RSBN1L: variants seen among roughly 807,000 people sequenced by gnomAD.
RSBN1L encodes the protein lysine-specific demethylase RSBN1L.
In RSBN1L, 30 loss-of-function variants were observed where a neutral mutation model predicts 67.7. The observed-to-expected ratio is 0.44, with a 90% CI of 0.33 to 0.60. The LOEUF (loss-of-function observed/expected upper bound fraction) is 0.60, where lower values mean the gene tolerates loss of function less well. Among genes scored for constraint, RSBN1L ranks in the 20% least tolerant of loss-of-function variants. The pLI is 0.02. For synonymous variants in RSBN1L, 433 were observed against 387.0 expected (o/e 1.12, Z -1.39); for missense variants, 992 against 1,031.7 (o/e 0.96, Z 0.53).
At chr7:77,727,588 A>T (rs1791223153) in intron 1 of RSBN1L, among the ~76,000 whole-genome samples, 1 of 151,996 alleles carries the variant, frequency 6.6e-6, no homozygotes, top group South Asian at 2.1e-4. Flanking sequence ...CAGGGACTAC[A>T]GGCCTGTCCC....
intron 3 of RSBN1L, among the ~76,000 whole-genome samples, chr7:77,763,887 C>T (rs1791728443): frequency 6.6e-6 from 1 of 152,146 alleles, no homozygotes; most frequent in Non-Finnish European, 1.5e-5. Context: ...CAATTTGTAA[C>T]AGTTTAGGAA....
chr7:77,735,209 A>C (rs758744202), intron 1 of RSBN1L, among the ~76,000 whole-genome samples: 2 of 152,202 alleles, frequency 1.3e-5, no homozygotes, highest in African/African-American at 2.4e-5. Flanking sequence ...TGTGCTATTC[A>C]GTATGGTAGA....
At chr7:77,765,661 G>T (rs755427735) in intron 4 of RSBN1L, 29 bp downstream of exon 4, 4 of 1,393,896 alleles carry the variant, frequency 2.9e-6, no homozygotes, top group Non-Finnish European at 3.9e-6. Context: ...TGGGATTAGA[G>T]TTTTTTTTTT....
At chr7:77,741,585 G>A (rs796604886) in intron 2 of RSBN1L, among the ~76,000 whole-genome samples, 58 of 151,596 alleles carry the variant, frequency 3.8e-4, no homozygotes, top group African/African-American at 1.4e-3. Context: ...CCAGCTACTC[G>A]GGAGGCTGAG....
intron 4 of RSBN1L, among the ~76,000 whole-genome samples, chr7:77,767,931 A>G (rs1318871706): frequency 2.9e-5 from 4 of 136,826 alleles, no homozygotes; most frequent in Admixed American, 1.6e-4. Flanking sequence ...GCTCACTGCA[A>G]CCTCCGCCTC....
At chr7:77,710,076 C>T (rs1422680465) in intron 1 of RSBN1L, among the ~76,000 whole-genome samples, 2 of 152,156 alleles carry the variant, frequency 1.3e-5, no homozygotes, top group Non-Finnish European at 2.9e-5. Context: ...TATCTTTCCA[C>T]TTTTGCTCTG....
chr7:77,758,711 G>A (rs886969136), intron 3 of RSBN1L, among the ~76,000 whole-genome samples: 1 of 152,100 alleles, frequency 6.6e-6, no homozygotes, highest in African/African-American at 2.4e-5. Context: ...AGTTGACCAC[G>A]TTCGTTTTAG....
At chr7:77,740,408 G>A (rs937974394) in intron 2 of RSBN1L, among the ~76,000 whole-genome samples, 1 of 152,182 alleles carries the variant, frequency 6.6e-6, no homozygotes, top group African/African-American at 2.4e-5. Context: ...TAGAATGAGG[G>A]TTGAAAGAAG....
intron 2 of RSBN1L, among the ~76,000 whole-genome samples, chr7:77,745,296 T>C (rs1420720064): frequency 6.6e-6 from 1 of 151,114 alleles, no homozygotes; most frequent in African/African-American, 2.4e-5. Context: ...GAAAGGAAGA[T>C]AAGGGAAAAA....
chr7:77,745,742 T>G (rs1791473646), intron 2 of RSBN1L, among the ~76,000 whole-genome samples: 1 of 152,226 alleles, frequency 6.6e-6, no homozygotes, highest in African/African-American at 2.4e-5. Context: ...TTTATTTCTA[T>G]TATTATACAT....
chr7:77,733,310 A>C (rs904139105), intron 1 of RSBN1L, among the ~76,000 whole-genome samples: 4 of 152,160 alleles, frequency 2.6e-5, no homozygotes, highest in African/African-American at 7.2e-5. Flanking sequence ...TTATGTATAG[A>C]TGGGATTATT....
chr7:77,732,360 TCTCA>T (rs1456734358), intron 1 of RSBN1L, among the ~76,000 whole-genome samples: 1 of 152,084 alleles, frequency 6.6e-6, no homozygotes, highest in African/African-American at 2.4e-5. Flanking sequence ...TGAGACTGAG[TCTCA>T]CTCTGTTGCC....
chr7:77,739,484 G>A (rs956625295), intron 2 of RSBN1L, among the ~76,000 whole-genome samples: 1 of 151,786 alleles, frequency 6.6e-6, no homozygotes, highest in African/African-American at 2.4e-5. Context: ...AGGCCAAGGC[G>A]GGTGGGCCAC....
chr7:77,767,055 C>T (rs1273950344), intron 4 of RSBN1L, among the ~76,000 whole-genome samples: 2 of 141,688 alleles, frequency 1.4e-5, no homozygotes, highest in African/African-American at 5.3e-5. Flanking sequence ...TTCCCCTTCC[C>T]CTTCCCTTTC....
intron 3 of RSBN1L, 119 bp from the exon 4 acceptor site, chr7:77,765,376 A>G (rs1312594096): frequency 1.3e-6 from 1 of 792,066 alleles, no homozygotes; most frequent in Non-Finnish European, 1.8e-6. Context: ...ATTCTGAGAT[A>G]ATAATTTATT....
chr7:77,782,581 A>G lies in RSBN1L; in HGVS notation c.*3413A>G, dbSNP rs908687812. 6.6e-6 allele frequency: 1 copy of G among 152,132 alleles called. No homozygotes were observed. The highest frequency in any genetic ancestry group is 2.4e-5 in the African/African-American group (1 of 41,412). 9.4% of individuals were successfully genotyped at this position (152,132 alleles called of 1,614,324 possible). A position where few individuals can be genotyped will look rare whatever the true frequency, so the allele number is the denominator to read the frequency against. On this transcript the variant is annotated 3_prime_UTR_variant, in exon 8 of 8. Coordinates refer to ENST00000334955, the MANE Select transcript of RSBN1L (RefSeq NM_198467.3). ...TCACCAAGGCTGTTGACCTTAAATAAACATTAAGTTGATTTTGCACAACAC... is the reference window on the plus strand; with the variant it reads ...TCACCAAGGCTGTTGACCTTAAATAGACATTAAGTTGATTTTGCACAACAC...
intron 2 of RSBN1L, among the ~76,000 whole-genome samples, chr7:77,737,337 T>C (rs948984159): frequency 6.6e-6 from 1 of 152,190 alleles, no homozygotes; most frequent in Non-Finnish European, 1.5e-5. Context: ...TAACTTCATA[T>C]TGAATTTAAT....
chr7:77,723,488 G>C (rs1791150149), intron 1 of RSBN1L, among the ~76,000 whole-genome samples: 1 of 151,792 alleles, frequency 6.6e-6, no homozygotes, highest in African/African-American at 2.4e-5. Flanking sequence ...TTAATTTTTT[G>C]AGATAGGGTC....
At chr7:77,753,488 G>A (rs900422597) in intron 3 of RSBN1L, among the ~76,000 whole-genome samples, 1 of 151,984 alleles carries the variant, frequency 6.6e-6, no homozygotes, top group Non-Finnish European at 1.5e-5. Context: ...TGATTTGTTG[G>A]ACTATTATAT....
Sources: gnomAD v4.1 joint callset for allele counts (sites outside exome capture counted in the v4.1 genomes callset) on GRCh38, gnomAD v4.1.1 for gene constraint, MANE v1.5 for transcripts, NCBI Gene and HGNC (gene_info 2026-07-23, HGNC 2026-07-21) for gene names.